Variants in ANAPC10 observed in about 807,000 individuals in gnomAD.
ANAPC10 encodes the protein anaphase-promoting complex subunit 10.
Under a neutral mutation model 22.0 loss-of-function variants are expected in ANAPC10, and 12 were observed. That is an observed-to-expected ratio of 0.55 (90% CI 0.35 to 0.88). ANAPC10 has a LOEUF of 0.88. Among genes scored for constraint, ANAPC10 ranks in the 40% least tolerant of loss-of-function variants. ANAPC10 has a pLI of 0.01. For missense variants in ANAPC10, 188 were observed against 220.9 expected (o/e 0.85, Z 0.94); for synonymous variants, 65 against 69.5 (o/e 0.94, Z 0.32).
chr4:145,058,876 G>T (rs992402927), intron 4 of ANAPC10, among the ~76,000 whole-genome samples: 2 of 152,052 alleles, frequency 1.3e-5, no homozygotes, highest in Admixed American at 1.3e-4. Context: ...ATTGCTTTTA[G>T]AGAAGGTTAG....
intron 3 of ANAPC10, among the ~76,000 whole-genome samples, chr4:145,065,834 A>C (rs1743593827): frequency 6.6e-6 from 1 of 152,022 alleles, no homozygotes; most frequent in Admixed American, 6.6e-5. Context: ...GTATATAGAA[A>C]AAGACCTAGG....
intron 3 of ANAPC10, among the ~76,000 whole-genome samples, chr4:145,068,152 G>C (rs1743983018): frequency 6.6e-6 from 1 of 152,198 alleles, no homozygotes; most frequent in African/African-American, 2.4e-5. Flanking sequence ...CTTACACGAA[G>C]AGGTAGAAGA....
At chr4:145,098,487 C>G (rs1277656482), upstream of ANAPC10, 1 of 152,412 alleles carries the variant, frequency 6.6e-6, no homozygotes, top group Non-Finnish European at 1.5e-5. Flanking sequence ...AATGTAGGGA[C>G]GTTCTCCGAG....
chr4:145,009,199 A>G (rs1017902075), intron 4 of ANAPC10, among the ~76,000 whole-genome samples: 14 of 152,202 alleles, frequency 9.2e-5, no homozygotes, highest in African/African-American at 3.1e-4. Context: ...AAACAAATGG[A>G]AGAACATTCC....
intron 4 of ANAPC10, among the ~76,000 whole-genome samples, chr4:145,017,692 T>C (rs1735388323): frequency 6.6e-6 from 1 of 152,010 alleles, no homozygotes; most frequent in Non-Finnish European, 1.5e-5. Context: ...GCAGCACTAC[T>C]CACAATAGCA....
chr4:145,037,484 A>G (rs1738760634), intron 4 of ANAPC10, among the ~76,000 whole-genome samples: 1 of 152,152 alleles, frequency 6.6e-6, no homozygotes, highest in Non-Finnish European at 1.5e-5. Context: ...CTTTAAGTAA[A>G]CGTGTCAGAA....
chr4:145,089,370 A>G (rs1051144624), intron 2 of ANAPC10, among the ~76,000 whole-genome samples: 1 of 152,184 alleles, frequency 6.6e-6, no homozygotes, highest in African/African-American at 2.4e-5. Context: ...ATACAGCCAT[A>G]CTGAATCCCT....
chr4:145,081,065 G>A (rs1745942635), intron 3 of ANAPC10, among the ~76,000 whole-genome samples: 1 of 152,056 alleles, frequency 6.6e-6, no homozygotes, highest in Admixed American at 6.6e-5. Flanking sequence ...GAGGCCAGGA[G>A]TTCGAGACCA....
chr4:145,066,039 T>C (rs2217010), intron 3 of ANAPC10, among the ~76,000 whole-genome samples: 3 of 152,120 alleles, frequency 2.0e-5, no homozygotes, highest in African/African-American at 4.8e-5. Context: ...TATTTACATG[T>C]GCTTTAAAAG....
chr4:145,038,657 T>C (rs1370723590), intron 4 of ANAPC10, among the ~76,000 whole-genome samples: 3 of 151,542 alleles, frequency 2.0e-5, no homozygotes, highest in African/African-American at 7.3e-5. Context: ...CCTGTCTCTA[T>C]TAAAAATAGT....
intron 4 of ANAPC10, among the ~76,000 whole-genome samples, chr4:145,048,335 T>C (rs369903661): frequency 2.0e-5 from 3 of 152,090 alleles, no homozygotes; most frequent in East Asian, 1.9e-4. Context: ...TGCCATAATA[T>C]GACAAAATAA....
chr4:145,025,385 G>T (rs1265809991), intron 4 of ANAPC10, among the ~76,000 whole-genome samples: 1 of 150,416 alleles, frequency 6.6e-6, no homozygotes, highest in Non-Finnish European at 1.5e-5. Flanking sequence ...TAAAGTGAGA[G>T]ATGTGAGACA....
At chr4:145,075,024 C>G (rs1440999549) in intron 3 of ANAPC10, among the ~76,000 whole-genome samples, 2 of 152,052 alleles carry the variant, frequency 1.3e-5, no homozygotes, top group Non-Finnish European at 2.9e-5. Context: ...CTTCAATCCC[C>G]TATTCTGCCT....
intron 4 of ANAPC10, among the ~76,000 whole-genome samples, chr4:145,013,700 G>A (rs1273326486): frequency 1.3e-5 from 2 of 152,016 alleles, no homozygotes; most frequent in African/African-American, 4.8e-5. Flanking sequence ...AGGACCCACA[G>A]ACCCTCTGAA....
chr4:145,076,017 C>T, intron 3 of ANAPC10, among the ~76,000 whole-genome samples: 1 of 152,162 alleles, frequency 6.6e-6, no homozygotes, highest in Non-Finnish European at 1.5e-5. Context: ...CCCTGCTTGG[C>T]CATGTCTGAT....
intron 4 of ANAPC10, among the ~76,000 whole-genome samples, chr4:145,039,389 G>C (rs1194810313): frequency 6.6e-6 from 1 of 152,200 alleles, no homozygotes; most frequent in Non-Finnish European, 1.5e-5. Context: ...GGGAAGAAAA[G>C]TAGTGTGAAT....
At chr4:145,065,546 G>A (rs1743554280) in intron 3 of ANAPC10, among the ~76,000 whole-genome samples, 1 of 151,976 alleles carries the variant, frequency 6.6e-6, no homozygotes, top group African/African-American at 2.4e-5. Context: ...AAAAATTGAT[G>A]TCTAATGAAG....
intron 4 of ANAPC10, among the ~76,000 whole-genome samples, chr4:145,048,619 C>A (rs1014314151): frequency 3.3e-5 from 5 of 151,560 alleles, no homozygotes; most frequent in Admixed American, 6.6e-5. Context: ...CCCCCAACCA[C>A]CTCCCTCAAT....
chr4:145,049,202 C>T (rs1740741401), intron 4 of ANAPC10, among the ~76,000 whole-genome samples: 1 of 152,184 alleles, frequency 6.6e-6, no homozygotes, highest in Admixed American at 6.5e-5. Flanking sequence ...GGCAGAGTAT[C>T]TCACCTTAAT....
Sources: allele counts gnomAD v4.1 joint callset (sites outside exome capture counted in the v4.1 genomes callset), GRCh38; gene constraint gnomAD v4.1.1; transcripts MANE v1.5; gene names NCBI Gene and HGNC (gene_info 2026-07-23, HGNC 2026-07-21).